PGS1: variants seen among roughly 807,000 people sequenced by gnomAD.
PGS1 encodes the protein CDP-diacylglycerol--glycerol-3-phosphate 3-phosphatidyltransferase, mitochondrial.
In PGS1, 44 loss-of-function variants were observed where a neutral mutation model predicts 58.3. The ratio of observed to expected loss-of-function variants is 0.75; its 90% confidence interval spans 0.59 to 0.97. The LOEUF (loss-of-function observed/expected upper bound fraction) is 0.97, where lower values mean the gene tolerates loss of function less well. PGS1 is among the 50% of genes least tolerant of loss of function. PGS1 has a pLI of 0.00. For missense variants in PGS1, 684 were observed against 731.1 expected (o/e 0.94, Z 0.74); for synonymous variants, 330 against 311.0 (o/e 1.06, Z -0.64).
At chr17:78,396,161 G>A (rs1020322747) in intron 2 of PGS1, 147 bp from the exon 3 acceptor site, 3 of 653,686 alleles carry the variant, frequency 4.6e-6, no homozygotes, top group Non-Finnish European at 8.3e-6. Context: ...TACCATACAC[G>A]TTTCGAGCTT....
At chr17:78,405,148 C>T (rs567203564) in intron 7 of PGS1, among the ~76,000 whole-genome samples, 1 of 150,116 alleles carries the variant, frequency 6.7e-6, no homozygotes, top group Non-Finnish European at 1.5e-5. Context: ...CAGGCATGCA[C>T]CATTACGCCT....
At chr17:78,383,628 T>G (rs2082184873) in intron 1 of PGS1, among the ~76,000 whole-genome samples, 1 of 152,234 alleles carries the variant, frequency 6.6e-6, no homozygotes, top group South Asian at 2.1e-4. Flanking sequence ...CTTTGAACTT[T>G]GTGATGGGAT....
Position 78,424,109 on chromosome 17 carries a change from G to T in PGS1, c.*59G>T, listed in dbSNP as rs2086271913. ...GGCATGGCCGGGGTCAGCTCTTTCA[G>T]CCGCGCTTCAGCGATGACTCCAGTC... On this transcript the variant is annotated 3_prime_UTR_variant, in exon 10 of 10. Coordinates refer to ENST00000262764, the MANE Select transcript of PGS1 (RefSeq NM_024419.5). The T allele has an allele frequency of 6.2e-7, 1 of 1,613,596 alleles. No homozygotes were observed. Among genetic ancestry groups the T allele is most frequent in the Non-Finnish European group, 8.5e-7 (1 of 1,179,874 alleles).
Position 78,402,076 on chromosome 17 carries a change from G to T in PGS1, c.880+1221G>T, listed in dbSNP as rs4969185. Among the ~76,000 whole-genome samples, 33 of 152,010 alleles carry T rather than the reference G, an allele frequency of 2.2e-4. 2 individuals carry two copies. In the South Asian group the frequency reaches 6.6e-3, roughly 31 times the overall value. ...AGGGCCCCCCGGTGCTCCTCCCTCCGGCAGCCCTGTCCAGCATGTGGCAGT... is the reference window on the plus strand; with the variant it reads ...AGGGCCCCCCGGTGCTCCTCCCTCCTGCAGCCCTGTCCAGCATGTGGCAGT... On this transcript the variant is annotated intron_variant, in intron 6 of 9. Coordinates refer to ENST00000262764, the MANE Select transcript of PGS1 (RefSeq NM_024419.5).
At chr17:78,383,225 G>T (rs746681700) in intron 1 of PGS1, among the ~76,000 whole-genome samples, 1 of 151,218 alleles carries the variant, frequency 6.6e-6, no homozygotes. Flanking sequence ...GTGTCCAGCA[G>T]ATTGTTTTCA....
chr17:78,407,082 G>A (rs1489875320), intron 7 of PGS1, among the ~76,000 whole-genome samples: 3 of 152,174 alleles, frequency 2.0e-5, no homozygotes, highest in Non-Finnish European at 2.9e-5. Flanking sequence ...GGGTCGGGGC[G>A]GGGGGTGCCC....
intron 2 of PGS1, among the ~76,000 whole-genome samples, chr17:78,394,920 G>A (rs1209211878): frequency 1.3e-5 from 2 of 152,216 alleles, no homozygotes; most frequent in African/African-American, 2.4e-5. Flanking sequence ...ATGACTGACT[G>A]TCTCCACATA....
At chr17:78,421,095 T>C (rs1201929078) in intron 9 of PGS1, 1 of 152,270 alleles carries the variant, frequency 6.6e-6, no homozygotes, top group Admixed American at 6.5e-5. Flanking sequence ...GAATGAACTT[T>C]ATTTTTATTG....
At chr17:78,390,254 C>T (rs8077859) in intron 1 of PGS1, among the ~76,000 whole-genome samples, 93,563 of 151,556 alleles carry the variant, frequency 0.62, 28,989 homozygotes, top group Admixed American at 0.65. Context: ...GCGAGCCCTG[C>T]GTTACACATC....
chr17:78,403,797 G>T lies in PGS1; in HGVS notation c.1110G>T (p.Glu370Asp), dbSNP rs1251740248. The change falls in exon 7 of 10, where the codon GAG becomes GAT. Residue 370 changes from glutamate to aspartate, a missense_variant. Glu to Asp is a conservative substitution (Grantham distance 45). Coordinates refer to ENST00000262764, the MANE Select transcript of PGS1 (RefSeq NM_024419.5). ...TTCAAATCGATGAGATTGTCACTGAGACCCTGTTGACTGAGGCGGAGCGCG... is the reference window on the plus strand; with the variant it reads ...TTCAAATCGATGAGATTGTCACTGATACCCTGTTGACTGAGGCGGAGCGCG... ...FEIQIDEIVT[E>D]TLLTEAERGA... 1 of 1,614,250 alleles carries T rather than the reference G, an allele frequency of 6.2e-7. No individual in the cohort carries two copies.
At chr17:78,392,328 T>G in intron 1 of PGS1, 148 bp from the exon 2 acceptor site, 1 of 560,366 alleles carries the variant, frequency 1.8e-6, no homozygotes, top group Non-Finnish European at 3.1e-6. Flanking sequence ...GGCTCACTTT[T>G]TAAAATGTTC....
In PGS1 at chr17:78,392,654, G is replaced by A. The variant is rs760674610; in HGVS notation, c.322G>A (p.Glu108Lys). Residue 108 changes from glutamate (E) to lysine (K), a missense_variant, in exon 2 of 10, where the codon GAG (glutamate) becomes AAG (lysine). Glu to Lys is a moderately conservative substitution (Grantham distance 56, BLOSUM62 1). Coordinates refer to ENST00000262764, the MANE Select transcript of PGS1 (RefSeq NM_024419.5). ...GCTTTCTTCCCCGGCAGAGTTTTTC[G>A]AGCTCATGAAGGTAAGTGGTATCTA... ...RVLSSPAEFF[E>K]LMKGQIRVAK... 2.0e-5 allele frequency: 32 copies of A among 1,613,644 alleles called. 1 individual carries two copies. Among genetic ancestry groups the A allele is most frequent in the African/African-American group, 9.3e-5 (7 of 74,890 alleles).
chr17:78,397,088 T>TG (rs1374102726), intron 3 of PGS1, among the ~76,000 whole-genome samples: 1 of 152,244 alleles, frequency 6.6e-6, no homozygotes, highest in Non-Finnish European at 1.5e-5. Flanking sequence ...CCCTCGGACT[T>TG]GCTGTTGTGC....
intron 3 of PGS1, 119 bp downstream of exon 3, chr17:78,396,504 A>G: frequency 1.4e-6 from 1 of 720,206 alleles, no homozygotes; most frequent in Non-Finnish European, 2.3e-6. Flanking sequence ...TGTCAGAGCC[A>G]GCTCTTGTTT....
chr17:78,408,093 A>G (rs2084308029), intron 7 of PGS1, among the ~76,000 whole-genome samples: 1 of 128,282 alleles, frequency 7.8e-6, no homozygotes, highest in South Asian at 2.5e-4. Flanking sequence ...ATTTCTTAAC[A>G]TATTTTATCT....
intron 7 of PGS1, among the ~76,000 whole-genome samples, chr17:78,412,363 G>C (rs1291731690): frequency 2.0e-5 from 3 of 152,162 alleles, no homozygotes; most frequent in African/African-American, 7.2e-5. Flanking sequence ...CTCAAATCCT[G>C]AGCACTCACC....
intron 4 of PGS1, 65 bp from the exon 5 acceptor site, chr17:78,399,283 T>A (rs2083470057): frequency 7.7e-7 from 1 of 1,304,376 alleles, no homozygotes; most frequent in Admixed American, 1.7e-5. Flanking sequence ...TGGAGGTGGC[T>A]CCTCATTGGG....
rs1235824864 is a variant in PGS1, at chr17:78,419,606, A to G, written c.1612A>G (p.Ser538Gly). 6.2e-7 allele frequency: 1 copy of G among 1,614,050 alleles called. No individual in the cohort carries two copies. Among genetic ancestry groups the G allele is most frequent in the African/African-American group, 1.3e-5 (1 of 74,938 alleles). Residue 538 changes from serine to glycine, a missense_variant, in exon 9 of 10, where the codon AGT (serine) becomes GGT (glycine). By Grantham distance (56) the Ser-to-Gly change is moderately conservative. Transcript: ENST00000262764. ...GTCCTCTGCCACCTTCGAGCAGCCGAGTCGCCAGGTGAAGCTGTGGGTGAA... is the reference window on the plus strand; with the variant it reads ...GTCCTCTGCCACCTTCGAGCAGCCGGGTCGCCAGGTGAAGCTGTGGGTGAA... ...VVSSATFEQP[S>G]RQVKLWVKMV... is the part of the protein sequence containing the mutation.
intron 1 of PGS1, among the ~76,000 whole-genome samples, chr17:78,388,689 CCCT>C (rs910521674): frequency 6.6e-6 from 1 of 152,048 alleles, no homozygotes; most frequent in African/African-American, 2.4e-5. Flanking sequence ...GCCTGAAACA[CCCT>C]CCCCTCTGAG....
Sources: allele counts gnomAD v4.1 joint callset (sites outside exome capture counted in the v4.1 genomes callset), GRCh38; gene constraint gnomAD v4.1.1; transcripts MANE v1.5; gene names NCBI Gene and HGNC (gene_info 2026-07-23, HGNC 2026-07-21).